Variants in CUL5 observed in about 807,000 individuals in gnomAD.
The protein encoded by CUL5 is cullin-5.
CUL5 carries 26 observed loss-of-function variants against 108.8 expected under a neutral mutation model. The observed-to-expected ratio is 0.24, with a 90% CI of 0.18 to 0.33. The LOEUF (loss-of-function observed/expected upper bound fraction) is 0.33, where lower values mean the gene tolerates loss of function less well. Ranked by LOEUF, CUL5 falls within the 10% of genes least tolerant of loss-of-function variation. The pLI is 1.00. For synonymous variants in CUL5, 334 were observed against 298.0 expected, an observed-to-expected ratio of 1.12 and a Z score of -1.25; for missense variants, 524 against 909.2, an observed-to-expected ratio of 0.58 and a Z score of 5.45.
chr11:108,095,495 G>C, intron 15 of CUL5, 35 bp from the exon 16 acceptor site: 1 of 1,375,934 alleles, frequency 7.3e-7, no homozygotes. Flanking sequence ...ATCATCATGA[G>C]ATTCTTTATT....
intron 1 of CUL5, among the ~76,000 whole-genome samples, chr11:108,020,259 G>A (rs886770879): frequency 5.9e-5 from 9 of 152,096 alleles, no homozygotes; most frequent in African/African-American, 2.2e-4. Context: ...CCTCAGTCAG[G>A]TCCTTTAGGA....
chr11:108,104,414 C>G lies in CUL5; in HGVS notation c.*30C>G. The G allele has an allele frequency of 7.1e-7, 1 of 1,412,370 alleles. No individual in the cohort carries two copies. The highest frequency in any genetic ancestry group is 1.5e-5 in the African/African-American group (1 of 66,830). 87.5% of individuals were successfully genotyped at this position (1,412,370 alleles called of 1,614,324 possible). On this transcript the variant is annotated 3_prime_UTR_variant, in exon 19 of 19. Coordinates refer to ENST00000393094, the MANE Select transcript of CUL5 (RefSeq NM_003478.6). ...GAATATCATGGACAATATTTAGAAC[C>G]CAAATTTTGGAGTGCTTGGGCAGAA...
chr11:108,095,310 A>T (rs992927425), intron 15 of CUL5, among the ~76,000 whole-genome samples: 4 of 152,200 alleles, frequency 2.6e-5, no homozygotes, highest in African/African-American at 9.7e-5. Context: ...TTCCATTTGC[A>T]TCCGCCAGTA....
intron 16 of CUL5, among the ~76,000 whole-genome samples, chr11:108,096,028 A>G (rs1864482990): frequency 1.3e-5 from 2 of 151,242 alleles, no homozygotes; most frequent in Admixed American, 6.6e-5. Context: ...TTCAGGAGGT[A>G]GAGGTTGCAG....
chr11:108,027,526 C>A (rs559778525), intron 1 of CUL5, among the ~76,000 whole-genome samples: 2 of 152,244 alleles, frequency 1.3e-5, no homozygotes, highest in African/African-American at 4.8e-5. Flanking sequence ...CCCACCCCGG[C>A]CTCCCAAAGT....
intron 16 of CUL5, 28 bp from the exon 17 acceptor site, chr11:108,097,608 C>T (rs954262685): frequency 7.9e-7 from 1 of 1,260,416 alleles, no homozygotes; most frequent in South Asian, 1.2e-5. Flanking sequence ...TTTATAGATG[C>T]TAATTGTTTT....
chr11:108,049,000 T>G (rs1222472715), intron 3 of CUL5, among the ~76,000 whole-genome samples: 2 of 152,102 alleles, frequency 1.3e-5, no homozygotes, highest in Non-Finnish European at 2.9e-5. Flanking sequence ...GAGATATAAT[T>G]AATATACCAT....
intron 4 of CUL5, among the ~76,000 whole-genome samples, chr11:108,051,292 G>T (rs1380267742): frequency 6.6e-6 from 1 of 152,086 alleles, no homozygotes; most frequent in Non-Finnish European, 1.5e-5. Flanking sequence ...CCATTCTATT[G>T]GTTGTGGGAA....
chr11:108,074,307 G>A lies in CUL5; in HGVS notation c.1113+810G>A, dbSNP rs1229335823. ...CCTCCCAGGTTCAAGCGATTCTCCT[G>A]CCTCAGCCTCTCGAGTAGCTGGGAT... On this transcript the variant is annotated intron_variant, in intron 10 of 18. Transcript: ENST00000393094. 5.4e-5 allele frequency among the ~76,000 whole-genome samples: 8 copies of A among 148,310 alleles called. No homozygotes were observed. The East Asian group carries it at 1.6e-3, about 30-fold the overall frequency.
chr11:108,020,268 G>T (rs1862296000), intron 1 of CUL5, among the ~76,000 whole-genome samples: 1 of 152,068 alleles, frequency 6.6e-6, no homozygotes, highest in South Asian at 2.1e-4. Context: ...GGTCCTTTAG[G>T]AGGCATTCCA....
intron 1 of CUL5, among the ~76,000 whole-genome samples, chr11:108,011,428 C>T (rs1488664007): frequency 1.3e-5 from 2 of 152,016 alleles, no homozygotes; most frequent in Non-Finnish European, 2.9e-5. Flanking sequence ...ATACAGAAAA[C>T]GGGGTACTTA....
At chr11:108,072,275 T>G in intron 8 of CUL5, 57 bp from the exon 9 acceptor site, 1 of 1,382,948 alleles carries the variant, frequency 7.2e-7, no homozygotes, top group East Asian at 2.4e-5. Flanking sequence ...CTAATGTTTC[T>G]CTAAACTCTT....
rs1041045968 is a variant in CUL5, at chr11:108,104,639, C to CTT, written c.*258_*259dup. 1 of 275,186 alleles carries CTT rather than the reference C, an allele frequency of 3.6e-6. No homozygotes were observed. The highest frequency in any genetic ancestry group is 6.7e-6 in the Non-Finnish European group (1 of 149,412). 17.0% of individuals were successfully genotyped at this position (275,186 alleles called of 1,614,324 possible). A position where few individuals can be genotyped will look rare whatever the true frequency, so the allele number is the denominator to read the frequency against. On this transcript the variant is annotated 3_prime_UTR_variant, in exon 19 of 19. Coordinates refer to ENST00000393094, the MANE Select transcript of CUL5 (RefSeq NM_003478.6). ...GCATTCATGAAGAGCCCATTATCAA[C>CTT]TTTTAAAAGTGAATTTGATTTGTAC... is the stretch of plus-strand genomic sequence containing the variant.
intron 18 of CUL5, among the ~76,000 whole-genome samples, chr11:108,102,141 A>T (rs1456266171): frequency 6.6e-6 from 1 of 150,582 alleles, no homozygotes; most frequent in Non-Finnish European, 1.5e-5. Flanking sequence ...CCTGCCTCGG[A>T]CTCCTGAGTA....
intron 1 of CUL5, among the ~76,000 whole-genome samples, chr11:108,015,580 G>A (rs1862163995): frequency 6.6e-6 from 1 of 152,236 alleles, no homozygotes; most frequent in Non-Finnish European, 1.5e-5. Flanking sequence ...CTGTCCTAGA[G>A]AGATGGTTGC....
chr11:108,033,962 G>A (rs773108246), intron 2 of CUL5, 51 bp downstream of exon 2: 1 of 1,060,914 alleles, frequency 9.4e-7, no homozygotes, highest in South Asian at 1.3e-5. Context: ...TTTTAGTGAT[G>A]TCTTTCCATA....
chr11:108,014,521 A>G (rs1438894687), intron 1 of CUL5, among the ~76,000 whole-genome samples: 1 of 152,130 alleles, frequency 6.6e-6, no homozygotes, highest in Non-Finnish European at 1.5e-5. Flanking sequence ...CCCTCAATCT[A>G]TTTTTGGCTT....
intron 2 of CUL5, among the ~76,000 whole-genome samples, chr11:108,034,780 A>C (rs1434104753): frequency 1.3e-5 from 2 of 152,138 alleles, no homozygotes; most frequent in African/African-American, 4.8e-5. Context: ...TGAAAATTTC[A>C]TGTCTTCTCA....
In CUL5 at chr11:108,056,468, T is replaced by G. The variant is rs146027733; in HGVS notation, c.780+1513T>G. ...TTCCCTTTGGTTCTTTTAGTTTTTG[T>G]TTTGCTTGTCCTTGATTTGCAGTAT... On this transcript the variant is annotated intron_variant, in intron 7 of 18. Coordinates refer to ENST00000393094, the MANE Select transcript of CUL5 (RefSeq NM_003478.6). 7.4e-3 allele frequency among the ~76,000 whole-genome samples: 1,128 copies of G among 152,312 alleles called. 17 individuals carry two copies. The highest frequency in any genetic ancestry group is 0.025 in the African/African-American group (1,054 of 41,562).
Sources: allele counts gnomAD v4.1 joint callset (sites outside exome capture counted in the v4.1 genomes callset), GRCh38; gene constraint gnomAD v4.1.1; transcripts MANE v1.5; gene names NCBI Gene and HGNC (gene_info 2026-07-23, HGNC 2026-07-21).